Variants in STARD13 observed in about 807,000 individuals in gnomAD.
The protein encoded by STARD13 is stAR-related lipid transfer protein 13.
Under a neutral mutation model 106.4 loss-of-function variants are expected in STARD13, and 62 were observed. The ratio of observed to expected loss-of-function variants is 0.58; its 90% confidence interval spans 0.48 to 0.72. STARD13 has a LOEUF of 0.72. Ranked by LOEUF, STARD13 falls within the 30% of genes least tolerant of loss-of-function variation. The pLI, the probability that STARD13 is intolerant of heterozygous loss-of-function variation, is 0.00. For synonymous variants in STARD13, 565 were observed against 553.0 expected (o/e 1.02, Z -0.31); for missense variants, 1,387 against 1,424.0 (o/e 0.97, Z 0.42).
chr13:33,542,917 C>A, the STARD13 span, among the ~76,000 whole-genome samples: 1 of 152,182 alleles, frequency 6.6e-6, no homozygotes, highest in Non-Finnish European at 1.5e-5. Context: ...CCCTGCTTTC[C>A]TTTCTCCCGC....
intron 3 of STARD13, among the ~76,000 whole-genome samples, chr13:33,143,448 T>C (rs1880111125): frequency 6.6e-6 from 1 of 152,246 alleles, no homozygotes; most frequent in Non-Finnish European, 1.5e-5. Context: ...TGTTGTTGAG[T>C]ATACCAATAA....
chr13:33,106,820 G>A lies in STARD13; in HGVS notation c.3162C>T (p.Tyr1054=). ...TGCCAGAGCCACACGGTTCTATCAA[G>A]TACTGCGAGTCCATCACCACTGCTC... ...GVRAVVMDSQ[Y]LIEPCGSGKS... is the part of the protein sequence containing the mutation. Residue 1054 remains tyrosine, a synonymous_variant, in exon 13 of 14, where the codon TAC becomes TAT. Coordinates refer to ENST00000336934, the MANE Select transcript of STARD13 (RefSeq NM_178006.4). 3.1e-6 allele frequency: 5 copies of A among 1,614,158 alleles called. No homozygotes were observed. The highest frequency in any genetic ancestry group is 4.2e-6 in the Non-Finnish European group (5 of 1,180,012).
At chr13:33,485,069 T>C in the STARD13 span, among the ~76,000 whole-genome samples, 1 of 152,252 alleles carries the variant, frequency 6.6e-6, no homozygotes, top group African/African-American at 2.4e-5. Flanking sequence ...TGATCTCTAT[T>C]ATTCAAAATC....
chr13:33,252,282 A>G (rs1890128703), intron 1 of STARD13, among the ~76,000 whole-genome samples: 2 of 152,248 alleles, frequency 1.3e-5, no homozygotes, highest in South Asian at 4.1e-4. Context: ...CAACATGGAG[A>G]GGAGAACATG....
chr13:33,167,289 G>A (rs1883431845), intron 2 of STARD13, among the ~76,000 whole-genome samples: 1 of 152,168 alleles, frequency 6.6e-6, no homozygotes, highest in East Asian at 1.9e-4. Context: ...AATGCTGGAA[G>A]GAAAACGTCG....
At chr13:33,525,256 C>A in the STARD13 span, among the ~76,000 whole-genome samples, 1 of 152,028 alleles carries the variant, frequency 6.6e-6, no homozygotes, top group African/African-American at 2.4e-5. Context: ...CTCCTGGGCT[C>A]AAGTGATCCT....
the STARD13 span, among the ~76,000 whole-genome samples, chr13:33,470,494 G>A: frequency 6.6e-6 from 1 of 152,136 alleles, no homozygotes; most frequent in Non-Finnish European, 1.5e-5. Context: ...TTGCGGAATC[G>A]CCACACTGTC....
upstream of STARD13, among the ~76,000 whole-genome samples, chr13:33,288,453 T>C (rs1892161057): frequency 6.6e-6 from 1 of 151,558 alleles, no homozygotes; most frequent in African/African-American, 2.4e-5. Flanking sequence ...AAAAAAAAAG[T>C]TGTAGAGATG....
chr13:33,434,635 A>T, the STARD13 span, among the ~76,000 whole-genome samples: 1 of 152,080 alleles, frequency 6.6e-6, no homozygotes, highest in Non-Finnish European at 1.5e-5. Flanking sequence ...ACTCTCTTCA[A>T]ACTGGGGTAT....
the STARD13 span, among the ~76,000 whole-genome samples, chr13:33,525,375 G>A: frequency 2.0e-5 from 3 of 152,026 alleles, no homozygotes; most frequent in Non-Finnish European, 4.4e-5. Context: ...ATAATAAAAC[G>A]ATGTTCATAT....
At chr13:33,169,917 G>A (rs766208145) in intron 1 of STARD13, among the ~76,000 whole-genome samples, 7 of 152,256 alleles carry the variant, frequency 4.6e-5, no homozygotes, top group African/African-American at 1.4e-4. Flanking sequence ...GGAACATCAC[G>A]TGTTTTCACT....
the STARD13 span, among the ~76,000 whole-genome samples, chr13:33,358,724 G>A: frequency 6.6e-6 from 1 of 151,900 alleles, no homozygotes; most frequent in African/African-American, 2.4e-5. Flanking sequence ...TGCACCAATC[G>A]ACACTCTGTA....
chr13:33,113,017 G>A (rs965125149), intron 8 of STARD13, 86 bp from the exon 9 acceptor site: 10 of 962,892 alleles, frequency 1.0e-5, no homozygotes, highest in African/African-American at 3.3e-5. Context: ...CACATTCCTC[G>A]TGTGAACACG....
the STARD13 span, among the ~76,000 whole-genome samples, chr13:33,377,059 C>T: frequency 5.3e-5 from 8 of 152,010 alleles, no homozygotes; most frequent in East Asian, 1.9e-4. Flanking sequence ...TTAAGGTGTC[C>T]GATTTATTCT....
chr13:33,550,336 A>G, the STARD13 span, among the ~76,000 whole-genome samples: 2,410 of 152,344 alleles, frequency 0.016, 51 homozygotes, highest in African/African-American at 0.056. Context: ...GCTTTTGTCT[A>G]TCATAGCAAG....
chr13:33,601,359 T>C, the STARD13 span, among the ~76,000 whole-genome samples: 1 of 152,080 alleles, frequency 6.6e-6, no homozygotes, highest in Non-Finnish European at 1.5e-5. Flanking sequence ...TGGTGCCAAC[T>C]CAAAGAAGGT....
exon 1 of STARD13, chr13:33,350,472 C>CGACTCA: frequency 2.0e-6 from 3 of 1,492,822 alleles, no homozygotes; most frequent in Non-Finnish European, 2.7e-6. Flanking sequence ...GCGTGGCCCG[C>CGACTCA]GACTCAGACT....
chr13:33,198,897 A>C (rs1051891812), intron 1 of STARD13, among the ~76,000 whole-genome samples: 1 of 152,234 alleles, frequency 6.6e-6, no homozygotes, highest in Non-Finnish European at 1.5e-5. Flanking sequence ...ATAATTTGTC[A>C]GTAACTACAT....
chr13:33,347,362 T>C (rs1032273195), downstream of STARD13, among the ~76,000 whole-genome samples: 1 of 152,130 alleles, frequency 6.6e-6, no homozygotes, highest in African/African-American at 2.4e-5. Flanking sequence ...CAGCCTCCCA[T>C]GTAGCTTGGA....
Sources: allele counts gnomAD v4.1 joint callset (sites outside exome capture counted in the v4.1 genomes callset), GRCh38; gene constraint gnomAD v4.1.1; transcripts MANE v1.5; gene names NCBI Gene and HGNC (gene_info 2026-07-23, HGNC 2026-07-21).